Variants in GPHN observed in about 807,000 individuals in gnomAD.
GPHN encodes the protein gephyrin.
In GPHN, 17 loss-of-function variants were observed where a neutral mutation model predicts 95.5. The ratio of observed to expected loss-of-function variants is 0.18; its 90% CI spans 0.12 to 0.27. The LOEUF (loss-of-function observed/expected upper bound fraction) is 0.27. GPHN is among the 10% of genes least tolerant of loss of function. The probability of loss-of-function intolerance (pLI) is 1.00; values close to 1 mark genes in which losing one functional copy is unlikely to be tolerated. For missense variants in GPHN, 660 were observed against 978.1 expected (o/e 0.67, Z 4.34); for synonymous variants, 320 against 322.5 (o/e 0.99, Z 0.08).
chr14:66,837,355 A>G (rs1567000198), intron 4 of GPHN, among the ~76,000 whole-genome samples: 2 of 148,604 alleles, frequency 1.3e-5, no homozygotes, highest in Non-Finnish European at 3.0e-5. Context: ...CAAAAAACCA[A>G]ACACCGCATG....
At chr14:66,699,356 T>C (rs186301042) in intron 2 of GPHN, among the ~76,000 whole-genome samples, 2 of 151,410 alleles carry the variant, frequency 1.3e-5, no homozygotes, top group East Asian at 3.9e-4. Context: ...ATAATAATAA[T>C]TAAAATAAAT....
the GPHN span, chr14:67,592,504 A>T: frequency 1.6e-6 from 1 of 606,304 alleles, no homozygotes; most frequent in African/African-American, 1.9e-5. Context: ...GAACTTCTCA[A>T]ATAACTGAAA....
At chr14:67,381,823 A>G in the GPHN span, 1 of 585,548 alleles carries the variant, frequency 1.7e-6, no homozygotes, top group Non-Finnish European at 3.0e-6. Flanking sequence ...AAAATTGAGC[A>G]GTGGTTCTTG....
intron 1 of GPHN, among the ~76,000 whole-genome samples, chr14:66,614,432 A>G (rs2062913265): frequency 6.6e-6 from 1 of 152,182 alleles, no homozygotes; most frequent in Admixed American, 6.6e-5. Context: ...AATGCTCATC[A>G]TCCTCTATTA....
chr14:67,397,585 C>T, the GPHN span: 5 of 1,281,708 alleles, frequency 3.9e-6, no homozygotes, highest in African/African-American at 1.5e-5. Context: ...CTCCTACCCA[C>T]ACCACTTTCC....
the GPHN span, among the ~76,000 whole-genome samples, chr14:67,244,415 C>T: frequency 0.012 from 1,837 of 152,268 alleles, 19 homozygotes; most frequent in Non-Finnish European, 0.018. Context: ...CACTGGGCAT[C>T]GTAAGATTTT....
the GPHN span, chr14:67,338,494 T>C: frequency 2.0e-6 from 2 of 991,610 alleles, no homozygotes; most frequent in Non-Finnish European, 2.9e-6. Context: ...AATAGACATC[T>C]AGGTAAATTT....
At chr14:67,198,497 T>C in the GPHN span, among the ~76,000 whole-genome samples, 4 of 152,202 alleles carry the variant, frequency 2.6e-5, no homozygotes, top group Non-Finnish European at 5.9e-5. Flanking sequence ...TTAAAGGACA[T>C]TTACTTCAAA....
At chr14:67,139,194 G>T (rs974785149) in intron 17 of GPHN, among the ~76,000 whole-genome samples, 2 of 151,358 alleles carry the variant, frequency 1.3e-5, no homozygotes, top group African/African-American at 4.9e-5. Context: ...CTACACTCCA[G>T]CCTGGTCAAC....
the GPHN span, among the ~76,000 whole-genome samples, chr14:67,437,130 G>T: frequency 1.2e-4 from 18 of 152,286 alleles, no homozygotes; most frequent in East Asian, 3.3e-3. Context: ...TTATATAATA[G>T]ACCTTTCTTT....
chr14:67,394,357 C>T, the GPHN span, among the ~76,000 whole-genome samples: 2 of 152,006 alleles, frequency 1.3e-5, no homozygotes, highest in African/African-American at 4.8e-5. Context: ...GATCGAGCCA[C>T]TGCACTCCAG....
chr14:67,510,031 A>T, the GPHN span, among the ~76,000 whole-genome samples: 17 of 152,174 alleles, frequency 1.1e-4, no homozygotes, highest in Non-Finnish European at 2.5e-4. Flanking sequence ...TTTTATTAAA[A>T]AAAAAAAGAA....
intron 6 of GPHN, among the ~76,000 whole-genome samples, chr14:66,920,740 C>G (rs914675812): frequency 1.3e-5 from 2 of 150,890 alleles, no homozygotes. Context: ...CCCTCACCCC[C>G]CACACTCTTT....
chr14:66,510,245 T>C (rs1211277580), intron 1 of GPHN, among the ~76,000 whole-genome samples: 4 of 152,208 alleles, frequency 2.6e-5, no homozygotes, highest in Admixed American at 2.6e-4. Context: ...GCACTTTAAA[T>C]TCCAGCCATT....
At chr14:67,377,711 C>T in the GPHN span, among the ~76,000 whole-genome samples, 4 of 152,272 alleles carry the variant, frequency 2.6e-5, no homozygotes, top group African/African-American at 9.6e-5. Flanking sequence ...TTTACTCCAT[C>T]AGCATAAAAA....
intron 1 of GPHN, among the ~76,000 whole-genome samples, chr14:66,572,502 G>A (rs867926290): frequency 1.9e-4 from 26 of 139,918 alleles, no homozygotes; most frequent in Middle Eastern, 3.6e-3. Context: ...GTGTGTGTGT[G>A]TGTGTATACG....
the GPHN span, among the ~76,000 whole-genome samples, chr14:67,267,081 C>T: frequency 6.6e-6 from 1 of 151,994 alleles, no homozygotes. Flanking sequence ...GCACTCCAGC[C>T]TGTCTCACAG....
the GPHN span, among the ~76,000 whole-genome samples, chr14:67,693,808 G>A: frequency 2.6e-5 from 4 of 151,716 alleles, no homozygotes; most frequent in South Asian, 4.2e-4. Context: ...GCGCCACCAC[G>A]CCCAGCTAAT....
the GPHN span, chr14:67,580,284 C>T: frequency 5.5e-6 from 1 of 183,024 alleles, no homozygotes; most frequent in Non-Finnish European, 1.1e-5. Flanking sequence ...CTTTCAGGGC[C>T]TATGCCATGC....
Sources: gnomAD v4.1 joint callset for allele counts (sites outside exome capture counted in the v4.1 genomes callset) on GRCh38, gnomAD v4.1.1 for gene constraint, MANE v1.5 for transcripts, NCBI Gene and HGNC (gene_info 2026-07-23, HGNC 2026-07-21) for gene names.